Variants in MBD5 observed in about 807,000 individuals in gnomAD.
MBD5 encodes methyl-CpG-binding domain protein 5.
A neutral mutation model predicts 117.3 loss-of-function variants in MBD5; 13 were observed. The observed-to-expected ratio is 0.11, with a 90% CI of 0.07 to 0.18. The LOEUF (loss-of-function observed/expected upper bound fraction) is 0.18. MBD5 is among the 10% of genes least tolerant of loss of function. The pLI is 1.00. For synonymous variants in MBD5, 727 were observed against 766.4 expected (o/e 0.95, Z 0.85); for missense variants, 1,879 against 2,093.8 (o/e 0.90, Z 2.00).
rs915755203 is a variant in MBD5, at chr2:148,464,951, T to C, written c.397+1032T>C. 2.6e-5 allele frequency among the ~76,000 whole-genome samples: 4 copies of C among 151,840 alleles called. No homozygotes were observed. In the East Asian group the frequency reaches 7.7e-4, roughly 29 times the overall value. ...CACCACTGTGCTCCAACCTGAGTGA[T>C]AGAGCAAAACTCTGTCTTGATTAAA... On this transcript the variant is annotated intron_variant, in intron 7 of 13. Transcript: ENST00000642680.
At chr2:148,218,498 A>T (rs1699609449) in intron 2 of MBD5, among the ~76,000 whole-genome samples, 1 of 152,202 alleles carries the variant, frequency 6.6e-6, no homozygotes, top group Admixed American at 6.5e-5. Flanking sequence ...AGTGAAACAG[A>T]TGGCAATCTA....
At chr2:148,451,188 T>C (rs1026395157) in intron 4 of MBD5, among the ~76,000 whole-genome samples, 1 of 151,822 alleles carries the variant, frequency 6.6e-6, no homozygotes, top group Non-Finnish European at 1.5e-5. Context: ...GTGCTAGGGG[T>C]AGTTAGAGTG....
At chr2:148,381,282 T>C (rs1704135314) in intron 4 of MBD5, among the ~76,000 whole-genome samples, 1 of 152,146 alleles carries the variant, frequency 6.6e-6, no homozygotes, top group South Asian at 2.1e-4. Flanking sequence ...AAGGAACTAA[T>C]GGAGCTGAAA....
chr2:148,515,440 G>C lies in MBD5; in HGVS notation c.*2499G>C, dbSNP rs779615372. ...TTTTTCATCTCTCTTAGAGTTATAT[G>C]GTTTTGTGTAAGCAGTTAATGTAAA... On this transcript the variant is annotated 3_prime_UTR_variant, in exon 14 of 14. Coordinates refer to ENST00000642680, the MANE Select transcript of MBD5 (RefSeq NM_001378120.1). The C allele has an allele frequency of 3.9e-5, 6 of 152,078 alleles. No homozygotes were observed. The highest frequency in any genetic ancestry group is 7.4e-5 in the Non-Finnish European group (5 of 68,008). 9.4% of individuals were successfully genotyped at this position (152,078 alleles called of 1,614,324 possible).
In MBD5 at chr2:148,293,022, A is replaced by G. The variant is rs569781924; in HGVS notation, c.-679-49192A>G. 5.9e-5 allele frequency among the ~76,000 whole-genome samples: 9 copies of G among 152,190 alleles called. No homozygotes were observed. The South Asian group carries it at 1.9e-3, about 32-fold the overall frequency. The stretch of plus-strand genomic sequence containing the variant: ...CCCACTCATTTGCTGAATTAAACAA[A>G]ACAATTGGCCAGGTGAAGTGTGGCT... On this transcript the variant is annotated intron_variant, in intron 3 of 13. Transcript: ENST00000642680.
intron 4 of MBD5, among the ~76,000 whole-genome samples, chr2:148,440,815 G>A (rs1221676930): frequency 6.6e-6 from 1 of 152,166 alleles, no homozygotes; most frequent in African/African-American, 2.4e-5. Flanking sequence ...GATAACAAAA[G>A]GTTACTTTAA....
At chr2:148,022,112 G>T (rs1693765169) in intron 1 of MBD5, among the ~76,000 whole-genome samples, 1 of 152,208 alleles carries the variant, frequency 6.6e-6, no homozygotes, top group Non-Finnish European at 1.5e-5. Context: ...GTGGGAAAAT[G>T]TCGGGATCTG....
chr2:148,024,355 G>C (rs1025192119), intron 1 of MBD5, among the ~76,000 whole-genome samples: 18 of 152,038 alleles, frequency 1.2e-4, no homozygotes, highest in Non-Finnish European at 2.5e-4. Flanking sequence ...GTTGTATTAA[G>C]GGCCCATACT....
At chr2:148,326,025 G>T (rs1038732104) in intron 3 of MBD5, among the ~76,000 whole-genome samples, 19 of 152,020 alleles carry the variant, frequency 1.2e-4, no homozygotes, top group Non-Finnish European at 1.3e-4. Context: ...CAGAGATTCT[G>T]GTATGTTGTG....
intron 4 of MBD5, among the ~76,000 whole-genome samples, chr2:148,437,025 C>T (rs1403719598): frequency 6.6e-6 from 1 of 151,952 alleles, no homozygotes; most frequent in African/African-American, 2.4e-5. Context: ...CTCTGTCACC[C>T]AGTTTGGAGT....
intron 4 of MBD5, among the ~76,000 whole-genome samples, chr2:148,455,759 A>G (rs758928577): frequency 2.9e-5 from 4 of 136,282 alleles, no homozygotes; most frequent in African/African-American, 1.2e-4. Context: ...GAGCAGGCAG[A>G]AAAAAAAAAA....
At chr2:148,403,178 T>G (rs1704973927) in intron 4 of MBD5, among the ~76,000 whole-genome samples, 1 of 101,036 alleles carries the variant, frequency 9.9e-6, no homozygotes, top group South Asian at 3.4e-4. Context: ...ACTATATTAA[T>G]GTTCTTCTTT....
At chr2:148,313,308 C>A (rs987576550) in intron 3 of MBD5, among the ~76,000 whole-genome samples, 2 of 152,190 alleles carry the variant, frequency 1.3e-5, no homozygotes, top group Non-Finnish European at 2.9e-5. Flanking sequence ...TATGTATAAG[C>A]CCCTGACTGG....
chr2:148,343,513 C>A (rs1454421541), intron 4 of MBD5, among the ~76,000 whole-genome samples: 1 of 151,998 alleles, frequency 6.6e-6, no homozygotes, highest in Non-Finnish European at 1.5e-5. Flanking sequence ...ATTTGCATTT[C>A]TCTGATGATT....
intron 1 of MBD5, among the ~76,000 whole-genome samples, chr2:148,137,588 T>TG (rs1471411276): frequency 6.6e-6 from 1 of 152,174 alleles, no homozygotes; most frequent in African/African-American, 2.4e-5. Flanking sequence ...AGAGAGACAC[T>TG]GTCTCAGTGA....
intron 1 of MBD5, among the ~76,000 whole-genome samples, chr2:148,140,300 T>G (rs2105529610): frequency 6.6e-6 from 1 of 152,344 alleles, no homozygotes; most frequent in Non-Finnish European, 1.5e-5. Context: ...GTAACTAAAT[T>G]GAAAGCACCA....
chr2:148,308,487 C>CTTTTTTTTT (rs1701948279), intron 3 of MBD5, among the ~76,000 whole-genome samples: 1 of 27,698 alleles, frequency 3.6e-5, no homozygotes, highest in African/African-American at 8.7e-5. Flanking sequence ...TGATGGGGTT[C>CTTTTTTTTT]TTTCTTTTTT....
intron 3 of MBD5, among the ~76,000 whole-genome samples, chr2:148,279,159 G>A (rs1181130289): frequency 2.6e-5 from 4 of 152,166 alleles, no homozygotes; most frequent in African/African-American, 7.2e-5. Flanking sequence ...CCATCAAGGT[G>A]TGGTAGCTCA....
intron 2 of MBD5, among the ~76,000 whole-genome samples, chr2:148,180,343 C>CATACATATATATAT (rs1553481823): frequency 9.5e-6 from 1 of 105,544 alleles, no homozygotes; most frequent in East Asian, 2.7e-4. Context: ...AAAAATTATA[C>CATACATATATATAT]ATATATATAT....
Sources: gnomAD v4.1 joint callset for allele counts (sites outside exome capture counted in the v4.1 genomes callset) on GRCh38, gnomAD v4.1.1 for gene constraint, MANE v1.5 for transcripts, NCBI Gene and HGNC (gene_info 2026-07-23, HGNC 2026-07-21) for gene names.